MTRES1: variants seen among roughly 807,000 people sequenced by gnomAD.
MTRES1 encodes the protein uncharacterized protein C6orf203.
In MTRES1, 11 loss-of-function variants were observed where a neutral mutation model predicts 17.4. That is an observed-to-expected ratio of 0.63 (90% confidence interval 0.40 to 1.05). The LOEUF is 1.05. Among genes scored for constraint, MTRES1 ranks in the 50% least tolerant of loss-of-function variants. MTRES1 has a pLI of 0.00. For missense variants in MTRES1, 268 were observed against 276.2 expected, an observed-to-expected ratio of 0.97 and a Z score of 0.21; for synonymous variants, 94 against 99.6, an observed-to-expected ratio of 0.94 and a Z score of 0.34.
chr6:107,030,248 T>G (rs1773791938), intron 1 of MTRES1: 2 of 686,448 alleles, frequency 2.9e-6, no homozygotes, highest in Admixed American at 2.3e-5. Flanking sequence ...CGTAGAGACT[T>G]TGCTGTTCTC....
At chr6:107,031,120 C>A (rs1773821564) in intron 1 of MTRES1, among the ~76,000 whole-genome samples, 1 of 152,106 alleles carries the variant, frequency 6.6e-6, no homozygotes, top group African/African-American at 2.4e-5. Context: ...TGGCTCAGGC[C>A]TGTAATCCTA....
At chr6:107,031,569 A>G (rs1198018886) in intron 1 of MTRES1, among the ~76,000 whole-genome samples, 5 of 150,134 alleles carry the variant, frequency 3.3e-5, no homozygotes, top group Non-Finnish European at 7.4e-5. Flanking sequence ...CAACCTCCTG[A>G]GTAGCTAGGA....
At chr6:107,045,837 T>G in intron 3 of MTRES1, among the ~76,000 whole-genome samples, 1 of 152,312 alleles carries the variant, frequency 6.6e-6, no homozygotes, top group South Asian at 2.1e-4. Flanking sequence ...CTTTGGAGAT[T>G]GTTTTCATTT....
At chr6:107,037,880 G>A (rs782706966) in intron 1 of MTRES1, among the ~76,000 whole-genome samples, 13 of 151,622 alleles carry the variant, frequency 8.6e-5, no homozygotes, top group Admixed American at 1.3e-4. Flanking sequence ...CACCACACCC[G>A]GCTAATTTTT....
At chr6:107,042,595 G>A (rs1484420819) in intron 2 of MTRES1, among the ~76,000 whole-genome samples, 3 of 152,172 alleles carry the variant, frequency 2.0e-5, no homozygotes, top group Non-Finnish European at 4.4e-5. Flanking sequence ...GCCCTAGTGC[G>A]TTAAGTTCAG....
chr6:107,043,511 A>G (rs1554228033), intron 2 of MTRES1, among the ~76,000 whole-genome samples: 1 of 152,218 alleles, frequency 6.6e-6, no homozygotes, highest in Non-Finnish European at 1.5e-5. Flanking sequence ...AACTACTAAT[A>G]TAGCCTACTG....
intron 1 of MTRES1, 184 bp downstream of exon 1, chr6:107,028,455 C>T (rs1773711967): frequency 6.6e-6 from 1 of 152,404 alleles, no homozygotes; most frequent in Non-Finnish European, 1.5e-5. Flanking sequence ...GCGGCGAAGC[C>T]TTCCGTTCCT....
intron 1 of MTRES1, among the ~76,000 whole-genome samples, chr6:107,031,134 CT>C (rs2114937009): frequency 6.6e-6 from 1 of 152,182 alleles, no homozygotes; most frequent in Non-Finnish European, 1.5e-5. Flanking sequence ...AATCCTAGCA[CT>C]TTGGGAGGCT....
chr6:107,029,499 T>G (rs1288250580), intron 1 of MTRES1, among the ~76,000 whole-genome samples: 13 of 142,832 alleles, frequency 9.1e-5, no homozygotes, highest in African/African-American at 2.6e-4. Context: ...TTTTGTTGTT[T>G]TTTTTTTTGA....
intron 3 of MTRES1, among the ~76,000 whole-genome samples, chr6:107,046,103 TGG>T (rs1774380588): frequency 6.6e-6 from 1 of 152,190 alleles, no homozygotes; most frequent in African/African-American, 2.4e-5. Context: ...ACCGGCAGGC[TGG>T]GACTGTGGCT....
At chr6:107,036,359 T>C (rs1554226938) in intron 1 of MTRES1, among the ~76,000 whole-genome samples, 3 of 151,154 alleles carry the variant, frequency 2.0e-5, no homozygotes, top group Non-Finnish European at 1.5e-5. Context: ...GCCTGACCAA[T>C]ATGGAGAAAC....
intron 3 of MTRES1, among the ~76,000 whole-genome samples, chr6:107,049,408 C>CT (rs782057719): frequency 0.28 from 27,787 of 99,678 alleles, 4,049 homozygotes; most frequent in East Asian, 0.39. Context: ...TATGGCCCTT[C>CT]TTTTTTTTTT....
At position 107,046,907 on chromosome 6, in the gene MTRES1, G is replaced by C. The variant is rs535101753; in HGVS notation, c.543+2575G>C. On this transcript the variant is annotated intron_variant, in intron 3 of 3. Coordinates refer to ENST00000311381, the MANE Select transcript of MTRES1 (RefSeq NM_016487.5). ...GGAGCACCCCTTCTCTGTGCTACAA[G>C]GAAGCTCCAAAGGGATTCATTCTTG... Among the ~76,000 whole-genome samples, 6 of 151,250 alleles carry C rather than the reference G, an allele frequency of 4.0e-5. No homozygotes were observed. In the South Asian group the frequency reaches 1.3e-3, roughly 32 times the overall value.
intron 3 of MTRES1, among the ~76,000 whole-genome samples, chr6:107,048,766 G>A (rs1295557826): frequency 8.2e-6 from 1 of 121,958 alleles, no homozygotes; most frequent in African/African-American, 3.0e-5. Flanking sequence ...GTGACACGGT[G>A]AGACTCCATG....
chr6:107,042,795 G>A (rs1582610397), intron 2 of MTRES1, among the ~76,000 whole-genome samples: 1 of 152,186 alleles, frequency 6.6e-6, no homozygotes, highest in Non-Finnish European at 1.5e-5. Context: ...TGGCCATGTA[G>A]TCTCTGCACT....
chr6:107,032,383 G>T (rs1289176428), intron 1 of MTRES1, among the ~76,000 whole-genome samples: 1 of 152,162 alleles, frequency 6.6e-6, no homozygotes, highest in Non-Finnish European at 1.5e-5. Context: ...AGCAGGTCCA[G>T]GGGAGGTTGA....
intron 3 of MTRES1, 104 bp from the exon 4 acceptor site, chr6:107,050,953 T>G (rs782195171): frequency 7.6e-6 from 7 of 923,820 alleles, no homozygotes; most frequent in Non-Finnish European, 1.2e-5. Context: ...CACCTGCCCC[T>G]CCTCTGGGTC....
intron 2 of MTRES1, among the ~76,000 whole-genome samples, chr6:107,042,726 T>A (rs1774260765): frequency 6.6e-6 from 1 of 152,112 alleles, no homozygotes; most frequent in Non-Finnish European, 1.5e-5. Flanking sequence ...AGAGCAGGTG[T>A]CTGAGGGGAA....
Position 107,051,390 on chromosome 6 carries a change from T to A in MTRES1, c.*154T>A. ...ATTGGGATCCATATCTGGAGACACT[T>A]CCCAAGGCCTGCCTCACCTCCACCC... is the stretch of plus-strand genomic sequence containing the variant. On this transcript the variant is annotated 3_prime_UTR_variant, in exon 4 of 4. Transcript: ENST00000311381. The A allele has an allele frequency of 1.6e-6, 1 of 640,110 alleles. No individual in the cohort carries two copies. The highest frequency in any genetic ancestry group is 2.6e-6 in the Non-Finnish European group (1 of 383,364). The allele number at this position is 640,110 out of a possible 1,614,324, so 39.7% of individuals were successfully genotyped here. A position where few individuals can be genotyped will look rare whatever the true frequency, so the allele number is the denominator to read the frequency against.
Sources: gnomAD v4.1 joint callset for allele counts (sites outside exome capture counted in the v4.1 genomes callset) on GRCh38, gnomAD v4.1.1 for gene constraint, MANE v1.5 for transcripts, NCBI Gene and HGNC (gene_info 2026-07-23, HGNC 2026-07-21) for gene names.